NAV3: variants seen among roughly 807,000 people sequenced by gnomAD.
The protein encoded by NAV3 is pore membrane and/or filament interacting like protein 1.
Under a neutral mutation model 244.7 loss-of-function variants are expected in NAV3, and 87 were observed. The observed-to-expected ratio is 0.36, with a 90% CI of 0.30 to 0.42. The LOEUF (loss-of-function observed/expected upper bound fraction) is 0.42. Ranked by LOEUF, NAV3 falls within the 20% of genes least tolerant of loss-of-function variation. The probability of loss-of-function intolerance (pLI) is 1.00; values close to 1 mark genes in which losing one functional copy is unlikely to be tolerated. For synonymous variants in NAV3, 1,126 were observed against 1,042.2 expected, an observed-to-expected ratio of 1.08 and a Z score of -1.55; for missense variants, 2,663 against 2,893.3, an observed-to-expected ratio of 0.92 and a Z score of 1.83.
chr12:77,658,594 A>G (rs1485605190), intron 2 of NAV3, among the ~76,000 whole-genome samples: 1 of 152,098 alleles, frequency 6.6e-6, no homozygotes, highest in African/African-American at 2.4e-5. Flanking sequence ...TCTTCACAGA[A>G]TTGGAAAAAA....
chr12:77,637,020 T>C (rs1294100052), intron 2 of NAV3, among the ~76,000 whole-genome samples: 1 of 152,002 alleles, frequency 6.6e-6, no homozygotes, highest in Non-Finnish European at 1.5e-5. Context: ...GGGATAGCAT[T>C]AGGAGAAATA....
chr12:77,795,691 A>G (rs1488939111), intron 2 of NAV3, among the ~76,000 whole-genome samples: 1 of 152,198 alleles, frequency 6.6e-6, no homozygotes, highest in Non-Finnish European at 1.5e-5. Context: ...TTCAAAGGGT[A>G]GGCTGACTCT....
At chr12:77,901,642 A>G (rs946120957) in intron 1 of NAV3, among the ~76,000 whole-genome samples, 25 of 152,190 alleles carry the variant, frequency 1.6e-4, no homozygotes, top group African/African-American at 6.0e-4. Flanking sequence ...CGCAGGAGGC[A>G]GAGATTGCAG....
intron 32 of NAV3, 123 bp from the exon 33 acceptor site, chr12:78,188,486 A>G: frequency 8.6e-7 from 1 of 1,168,392 alleles, no homozygotes; most frequent in Non-Finnish European, 1.2e-6. Flanking sequence ...TGATATTAAC[A>G]GTTCTTATAT....
At chr12:78,126,419 C>T (rs929419352) in intron 16 of NAV3, among the ~76,000 whole-genome samples, 3 of 152,166 alleles carry the variant, frequency 2.0e-5, no homozygotes, top group African/African-American at 7.2e-5. Context: ...AATCCCTAAA[C>T]TTGTCCCACT....
chr12:77,953,335 G>A (rs1891074920), intron 3 of NAV3, among the ~76,000 whole-genome samples: 1 of 152,020 alleles, frequency 6.6e-6, no homozygotes, highest in Non-Finnish European at 1.5e-5. Flanking sequence ...TCCATATTAG[G>A]AAGAGTATGT....
intron 2 of NAV3, among the ~76,000 whole-genome samples, chr12:77,642,113 A>C (rs1468292720): frequency 2.6e-5 from 4 of 152,026 alleles, no homozygotes; most frequent in Non-Finnish European, 5.9e-5. Flanking sequence ...ACTGCCCTTC[A>C]GTTTAGTGTC....
intron 5 of NAV3, among the ~76,000 whole-genome samples, chr12:77,978,007 G>GTTGGTTTTGGT (rs1291457149): frequency 6.6e-6 from 1 of 151,936 alleles, no homozygotes; most frequent in Non-Finnish European, 1.5e-5. Context: ...TGTTCAGATC[G>GTTGGTTTTGGT]TTGGTTTTGG....
At chr12:77,834,189 C>T (rs1874219920) in intron 1 of NAV3, among the ~76,000 whole-genome samples, 1 of 152,118 alleles carries the variant, frequency 6.6e-6, no homozygotes, top group African/African-American at 2.4e-5. Flanking sequence ...TGGGCACAGG[C>T]CCAGGGGTGG....
intron 2 of NAV3, among the ~76,000 whole-genome samples, chr12:77,592,779 G>T (rs1869969688): frequency 6.6e-6 from 1 of 152,166 alleles, no homozygotes; most frequent in Non-Finnish European, 1.5e-5. Context: ...CAGGTTGTCT[G>T]TATATTGGGC....
chr12:78,092,699 A>T (rs750864744), intron 12 of NAV3, among the ~76,000 whole-genome samples: 4 of 151,660 alleles, frequency 2.6e-5, no homozygotes, highest in Admixed American at 1.3e-4. Context: ...CTGGGGTTTC[A>T]CTGTGTTAGC....
At chr12:77,960,897 TATC>T (rs1226623271) in intron 3 of NAV3, among the ~76,000 whole-genome samples, 14 of 146,514 alleles carry the variant, frequency 9.6e-5, no homozygotes, top group African/African-American at 2.5e-4. Flanking sequence ...AATATGAACA[TATC>T]ATATATTCAA....
Position 77,744,922 on chromosome 12 carries a change from A to T in NAV3, c.72+172656A>T, listed in dbSNP as rs549132530. Among the ~76,000 whole-genome samples, 6 of 152,136 alleles carry T rather than the reference A, an allele frequency of 3.9e-5. No individual in the cohort carries two copies. The South Asian group carries it at 1.2e-3, about 32-fold the overall frequency. ...TTTTTTGAAGATGTAAACTTAAAAG[A>T]GTACAGTGGTCCTAAAATACATCAT... On this transcript the variant is annotated intron_variant, in intron 2 of 8. Transcript: ENST00000550042.
intron 1 of NAV3, among the ~76,000 whole-genome samples, chr12:77,873,561 T>G (rs985168452): frequency 1.3e-5 from 2 of 150,772 alleles, no homozygotes; most frequent in Non-Finnish European, 3.0e-5. Context: ...TTTTTTGCAG[T>G]TTTTATAATG....
intron 12 of NAV3, among the ~76,000 whole-genome samples, chr12:78,081,292 A>T (rs1387221992): frequency 6.6e-6 from 1 of 152,152 alleles, no homozygotes; most frequent in Non-Finnish European, 1.5e-5. Flanking sequence ...AGGCACTCTT[A>T]TGCCTTTTAT....
chr12:77,935,002 C>T (rs751851640), intron 1 of NAV3, among the ~76,000 whole-genome samples: 6 of 151,994 alleles, frequency 3.9e-5, no homozygotes, highest in African/African-American at 1.4e-4. Flanking sequence ...CCTACTTCTT[C>T]GATTATTTAG....
chr12:77,785,520 A>C (rs1870865891), intron 2 of NAV3, among the ~76,000 whole-genome samples: 1 of 152,146 alleles, frequency 6.6e-6, no homozygotes, highest in Non-Finnish European at 1.5e-5. Context: ...GACAAACAAA[A>C]AAGTAACCTT....
At chr12:77,617,049 C>T (rs1395277660) in intron 2 of NAV3, among the ~76,000 whole-genome samples, 5 of 152,124 alleles carry the variant, frequency 3.3e-5, no homozygotes, top group Non-Finnish European at 7.4e-5. Flanking sequence ...CCGAGCACAT[C>T]TTTTGTGACT....
intron 2 of NAV3, among the ~76,000 whole-genome samples, chr12:77,596,393 ATATAT>A (rs1870170273): frequency 6.6e-6 from 1 of 152,288 alleles, no homozygotes; most frequent in South Asian, 2.1e-4. Flanking sequence ...TTATTTCTAG[ATATAT>A]TAGAACATAA....
Sources: gnomAD v4.1 joint callset for allele counts (sites outside exome capture counted in the v4.1 genomes callset) on GRCh38, gnomAD v4.1.1 for gene constraint, MANE v1.5 for transcripts, NCBI Gene and HGNC (gene_info 2026-07-23, HGNC 2026-07-21) for gene names.